The following PKIB variants were observed in gnomAD, a reference collection of about 807,000 sequenced individuals.
PKIB encodes the protein cAMP-dependent protein kinase inhibitor beta.
A neutral mutation model predicts 4.5 loss-of-function variants in PKIB; 2 were observed. The observed-to-expected ratio is 0.44, with a 90% CI of 0.18 to 1.39. The LOEUF is 1.39. Ranked by LOEUF, PKIB falls within the 40% of genes most tolerant of loss-of-function variation. The probability of loss-of-function intolerance (pLI) is 0.27; values close to 1 mark genes in which losing one functional copy is unlikely to be tolerated. For synonymous variants in PKIB, 38 were observed against 36.0 expected, an observed-to-expected ratio of 1.06 and a Z score of -0.20; for missense variants, 94 against 92.6, an observed-to-expected ratio of 1.02 and a Z score of -0.06.
chr6:122,507,738 G>A (rs1462134287), intron 2 of PKIB, among the ~76,000 whole-genome samples: 6 of 151,516 alleles, frequency 4.0e-5, no homozygotes, highest in African/African-American at 1.2e-4. Flanking sequence ...CAAACTGGAA[G>A]TTGTTTTTTT....
chr6:122,671,467 A>G (rs944949782), intron 2 of PKIB, among the ~76,000 whole-genome samples: 2 of 152,184 alleles, frequency 1.3e-5, no homozygotes, highest in African/African-American at 2.4e-5. Context: ...ACTGAAGTGT[A>G]AAAGCCTTTA....
At chr6:122,499,143 G>A (rs1331457713) in intron 2 of PKIB, among the ~76,000 whole-genome samples, 1 of 152,260 alleles carries the variant, frequency 6.6e-6, no homozygotes, top group Non-Finnish European at 1.5e-5. Flanking sequence ...ATACAAAGAA[G>A]AGTTGCTACC....
chr6:122,697,721 G>T (rs1778631464), intron 3 of PKIB, among the ~76,000 whole-genome samples: 1 of 152,114 alleles, frequency 6.6e-6, no homozygotes, highest in African/African-American at 2.4e-5. Flanking sequence ...GCTGCCTGGG[G>T]CTAACTACCT....
intron 1 of PKIB, among the ~76,000 whole-genome samples, chr6:122,474,174 C>T (rs1235031006): frequency 6.6e-6 from 1 of 152,136 alleles, no homozygotes; most frequent in Admixed American, 6.6e-5. Context: ...TATCTAATAA[C>T]TCAGTTCTCT....
intron 2 of PKIB, among the ~76,000 whole-genome samples, chr6:122,555,252 G>T (rs1392518386): frequency 6.6e-6 from 1 of 152,146 alleles, no homozygotes; most frequent in East Asian, 1.9e-4. Context: ...AAGCAGAGGA[G>T]CAAAGTCATT....
chr6:122,708,615 C>G (rs1450384203), intron 3 of PKIB, among the ~76,000 whole-genome samples: 2 of 152,058 alleles, frequency 1.3e-5, no homozygotes, highest in Non-Finnish European at 2.9e-5. Context: ...ACAATATCAA[C>G]TTTCTGGAAA....
chr6:122,521,443 G>A (rs1776944019), intron 2 of PKIB, among the ~76,000 whole-genome samples: 1 of 152,126 alleles, frequency 6.6e-6, no homozygotes, highest in Non-Finnish European at 1.5e-5. Context: ...CACTTTGGGA[G>A]GCTGAGGCAG....
intron 2 of PKIB, among the ~76,000 whole-genome samples, chr6:122,513,047 T>C (rs1447825635): frequency 1.3e-5 from 2 of 152,212 alleles, no homozygotes; most frequent in East Asian, 3.8e-4. Flanking sequence ...AACCATGACA[T>C]GCCTGATGTG....
chr6:122,566,789 G>A (rs547174708), intron 2 of PKIB, among the ~76,000 whole-genome samples: 11 of 152,200 alleles, frequency 7.2e-5, no homozygotes, highest in African/African-American at 2.4e-4. Context: ...CCATTCTTAT[G>A]TGGTTGGATA....
chr6:122,527,985 C>A, intron 2 of PKIB, among the ~76,000 whole-genome samples: 1 of 152,108 alleles, frequency 6.6e-6, no homozygotes, highest in Admixed American at 6.6e-5. Context: ...TCTCCTACTA[C>A]TATTTTGCTG....
At chr6:122,593,214 T>C (rs1307732634) in intron 3 of PKIB, among the ~76,000 whole-genome samples, 3 of 152,252 alleles carry the variant, frequency 2.0e-5, no homozygotes, top group Non-Finnish European at 2.9e-5. Context: ...AATTTCTTTA[T>C]GTACCTGTGC....
At chr6:122,575,439 C>A (rs1335997538) in intron 2 of PKIB, among the ~76,000 whole-genome samples, 1 of 151,204 alleles carries the variant, frequency 6.6e-6, no homozygotes, top group Admixed American at 6.6e-5. Flanking sequence ...GAAAGTAAGT[C>A]ATTATATGAA....
intron 1 of PKIB, among the ~76,000 whole-genome samples, chr6:122,625,609 G>A (rs1775405530): frequency 6.6e-6 from 1 of 152,028 alleles, no homozygotes; most frequent in South Asian, 2.1e-4. Context: ...CTGCACTCCA[G>A]CCTGGGCAAC....
At chr6:122,480,435 G>A (rs1775581771) in intron 2 of PKIB, 1 of 152,272 alleles carries the variant, frequency 6.6e-6, no homozygotes, top group East Asian at 1.9e-4. Context: ...TTTTATGCAT[G>A]TTTGAGTAAT....
intron 1 of PKIB, among the ~76,000 whole-genome samples, chr6:122,623,944 G>A (rs143278486): frequency 1.4e-3 from 217 of 151,890 alleles, no homozygotes; most frequent in Middle Eastern, 6.8e-3. Context: ...CACAATATGT[G>A]CCAGGCATTA....
intron 3 of PKIB, among the ~76,000 whole-genome samples, chr6:122,706,385 A>G (rs1404290873): frequency 6.6e-6 from 1 of 152,158 alleles, no homozygotes; most frequent in African/African-American, 2.4e-5. Context: ...TATATTAAGC[A>G]TCTTCATGTG....
chr6:122,530,120 T>A (rs560367791), intron 2 of PKIB, among the ~76,000 whole-genome samples: 14 of 152,242 alleles, frequency 9.2e-5, no homozygotes, highest in African/African-American at 3.4e-4. Context: ...TTCTTTACTC[T>A]TTTTTATGTT....
At position 122,542,184 on chromosome 6, in the gene PKIB, G is replaced by A. The variant is rs1304510693; in HGVS notation, c.-247-43737G>A. Among the ~76,000 whole-genome samples, 9 of 152,112 alleles carry A rather than the reference G, an allele frequency of 5.9e-5. 1 individual carries two copies. The highest frequency in any genetic ancestry group is 4.1e-4 in the South Asian group (2 of 4,820). On this transcript the variant is annotated intron_variant, in intron 2 of 6. Transcript: ENST00000392491. Reference sequence around the variant, plus strand: ...GTCTGAAGCCTTCTTCTCTCAACTCGTCAAAGTCATTGTCTGTCCAGCTTT... The same window carrying A: ...GTCTGAAGCCTTCTTCTCTCAACTCATCAAAGTCATTGTCTGTCCAGCTTT...
At chr6:122,683,680 C>T (rs1777987879) in intron 3 of PKIB, among the ~76,000 whole-genome samples, 1 of 152,182 alleles carries the variant, frequency 6.6e-6, no homozygotes, top group Non-Finnish European at 1.5e-5. Context: ...TACTCCCAAG[C>T]AAGATGGCTT....
Sources: allele counts gnomAD v4.1 joint callset (sites outside exome capture counted in the v4.1 genomes callset), GRCh38; gene constraint gnomAD v4.1.1; transcripts MANE v1.5; gene names NCBI Gene and HGNC (gene_info 2026-07-23, HGNC 2026-07-21).